The following TNFSF4 variants were observed in gnomAD, a reference collection of about 807,000 sequenced individuals.
The protein encoded by TNFSF4 is TNF superfamily member 4.
Under a neutral mutation model 7.3 loss-of-function variants are expected in TNFSF4, and 4 were observed. The ratio of observed to expected loss-of-function variants is 0.55; its 90% CI spans 0.27 to 1.25. The LOEUF (loss-of-function observed/expected upper bound fraction) is 1.25. Ranked by LOEUF, TNFSF4 falls within the 50% of genes most tolerant of loss-of-function variation. The probability of loss-of-function intolerance (pLI) is 0.12; values close to 1 mark genes in which losing one functional copy is unlikely to be tolerated. For synonymous variants in TNFSF4, 76 were observed against 83.7 expected (o/e 0.91, Z 0.50); for missense variants, 181 against 208.8 (o/e 0.87, Z 0.82).
the TNFSF4 span, among the ~76,000 whole-genome samples, chr1:173,330,036 T>C: frequency 2.6e-5 from 4 of 152,138 alleles, no homozygotes; most frequent in Non-Finnish European, 4.4e-5. Context: ...TAGGATTTGT[T>C]CAGGCCATAG....
At chr1:173,328,853 C>T in the TNFSF4 span, among the ~76,000 whole-genome samples, 3 of 151,880 alleles carry the variant, frequency 2.0e-5, no homozygotes, top group Non-Finnish European at 4.4e-5. Context: ...AACTTTTGTG[C>T]TTCAGAAAAA....
the TNFSF4 span, among the ~76,000 whole-genome samples, chr1:173,378,226 G>A: frequency 4.0e-5 from 6 of 151,128 alleles, no homozygotes; most frequent in South Asian, 1.0e-3. Flanking sequence ...CGGGTTCTTC[G>A]GCAAGAGGTG....
the TNFSF4 span, among the ~76,000 whole-genome samples, chr1:173,230,111 C>G: frequency 3.9e-5 from 6 of 152,166 alleles, no homozygotes; most frequent in Admixed American, 1.3e-4. Context: ...ACTCTCCACC[C>G]CAAATCAACA....
the TNFSF4 span, among the ~76,000 whole-genome samples, chr1:173,290,947 A>C: frequency 6.6e-6 from 1 of 152,240 alleles, no homozygotes; most frequent in Non-Finnish European, 1.5e-5. Flanking sequence ...ATACAATTAC[A>C]TGGAAATTAA....
the TNFSF4 span, among the ~76,000 whole-genome samples, chr1:173,347,205 C>T: frequency 6.6e-6 from 1 of 152,220 alleles, no homozygotes; most frequent in Non-Finnish European, 1.5e-5. Flanking sequence ...AATGAGATAG[C>T]TCCCAAGTCC....
the TNFSF4 span, among the ~76,000 whole-genome samples, chr1:173,233,605 C>G: frequency 6.6e-6 from 1 of 152,154 alleles, no homozygotes; most frequent in Non-Finnish European, 1.5e-5. Flanking sequence ...TATAATCAGG[C>G]AAATGATGCA....
At chr1:173,374,451 A>C in the TNFSF4 span, among the ~76,000 whole-genome samples, 1 of 152,104 alleles carries the variant, frequency 6.6e-6, no homozygotes, top group Non-Finnish European at 1.5e-5. Flanking sequence ...CACCGGAGTT[A>C]AACTTTGGAC....
At chr1:173,362,871 G>A in the TNFSF4 span, 6 of 472,234 alleles carry the variant, frequency 1.3e-5, no homozygotes, top group South Asian at 9.0e-5. Flanking sequence ...AAGACTTGTG[G>A]ACTTCCCAGC....
the TNFSF4 span, among the ~76,000 whole-genome samples, chr1:173,435,187 C>T: frequency 8.1e-4 from 123 of 152,236 alleles, no homozygotes; most frequent in Non-Finnish European, 1.4e-3. Flanking sequence ...TAGATGGACC[C>T]AGAAAGTGAT....
chr1:173,448,611 T>TG, the TNFSF4 span, among the ~76,000 whole-genome samples: 7 of 151,542 alleles, frequency 4.6e-5, no homozygotes, highest in South Asian at 8.4e-4. Context: ...CGGATGGGAG[T>TG]GGGGGTCACA....
chr1:173,284,632 T>C, the TNFSF4 span, among the ~76,000 whole-genome samples: 2 of 152,146 alleles, frequency 1.3e-5, no homozygotes, highest in African/African-American at 4.8e-5. Context: ...GCTGATGACT[T>C]TAAGTTGAAG....
At chr1:173,450,124 A>C in the TNFSF4 span, among the ~76,000 whole-genome samples, 2 of 152,334 alleles carry the variant, frequency 1.3e-5, no homozygotes, top group Admixed American at 1.3e-4. Flanking sequence ...CCTTAAGAGG[A>C]TAACAAGGGA....
chr1:173,312,892 C>G, the TNFSF4 span, among the ~76,000 whole-genome samples: 10 of 152,246 alleles, frequency 6.6e-5, 1 homozygote, highest in South Asian at 2.1e-3. Context: ...ACACCAACAT[C>G]TTTGTTGGAA....
the TNFSF4 span, among the ~76,000 whole-genome samples, chr1:173,348,344 T>C: frequency 1.3e-5 from 2 of 152,192 alleles, no homozygotes; most frequent in African/African-American, 4.8e-5. Flanking sequence ...TCTGCCACCA[T>C]GTGAGGCATG....
downstream of TNFSF4, among the ~76,000 whole-genome samples, chr1:173,181,742 G>A (rs1219826580): frequency 6.6e-6 from 1 of 152,184 alleles, no homozygotes; most frequent in Non-Finnish European, 1.5e-5. Flanking sequence ...TTTAGGGGAT[G>A]GAGGGAAGGT....
intron 1 of TNFSF4, among the ~76,000 whole-genome samples, chr1:173,201,816 T>G (rs1410754016): frequency 1.3e-5 from 2 of 152,134 alleles, no homozygotes; most frequent in Admixed American, 1.3e-4. Flanking sequence ...CATAGGATGG[T>G]AGAAAATTCA....
the TNFSF4 span, among the ~76,000 whole-genome samples, chr1:173,288,859 TCTC>T: frequency 0.092 from 13,934 of 152,064 alleles, 745 homozygotes; most frequent in Middle Eastern, 0.12. Flanking sequence ...AAACCATACT[TCTC>T]CTTCTCCTTT....
chr1:173,337,035 A>G, the TNFSF4 span, among the ~76,000 whole-genome samples: 1 of 152,140 alleles, frequency 6.6e-6, no homozygotes, highest in Non-Finnish European at 1.5e-5. Flanking sequence ...TCTGCAGTAA[A>G]TCCAGGCTAA....
the TNFSF4 span, among the ~76,000 whole-genome samples, chr1:173,429,209 T>TA: frequency 1.9e-4 from 28 of 151,054 alleles, no homozygotes; most frequent in East Asian, 7.7e-4. Flanking sequence ...AACATTTCTT[T>TA]AAAAAAAAAG....
Sources: allele counts gnomAD v4.1 joint callset (sites outside exome capture counted in the v4.1 genomes callset), GRCh38; gene constraint gnomAD v4.1.1; transcripts MANE v1.5; gene names NCBI Gene and HGNC (gene_info 2026-07-23, HGNC 2026-07-21).